The following CNTN3 variants were observed in gnomAD, a reference collection of about 807,000 sequenced individuals.
CNTN3 encodes contactin-3.
CNTN3 carries 60 observed loss-of-function variants against 119.1 expected under a neutral mutation model. That is an observed-to-expected ratio of 0.50 (90% CI 0.41 to 0.62). The LOEUF is 0.62. Among genes scored for constraint, CNTN3 ranks in the 20% least tolerant of loss-of-function variants. CNTN3 has a pLI of 0.00. For synonymous variants in CNTN3, 450 were observed against 438.7 expected, an observed-to-expected ratio of 1.03 and a Z score of -0.32; for missense variants, 1,101 against 1,242.4, an observed-to-expected ratio of 0.89 and a Z score of 1.71.
intron 2 of CNTN3, among the ~76,000 whole-genome samples, chr3:74,501,686 C>A (rs1264953812): frequency 1.3e-5 from 2 of 152,038 alleles, no homozygotes; most frequent in African/African-American, 4.8e-5. Context: ...ACACAATTAG[C>A]CCTTACTAAT....
At position 74,267,755 on chromosome 3, in the gene CNTN3, T is replaced by TG. The variant is rs541259640; in HGVS notation, c.2705-378dup. On this transcript the variant is annotated intron_variant, in intron 20 of 22. Coordinates refer to ENST00000263665, the MANE Select transcript of CNTN3 (RefSeq NM_020872.3). The stretch of plus-strand genomic sequence containing the variant: ...CTGTGTCTCGTTGAAAACACGTCGA[T>TG]GGGGGGGATAAGGAAATTCCTCTAT... Among the ~76,000 whole-genome samples the TG allele has an allele frequency of 2.2e-3, 335 of 152,074 alleles. 1 individual carries two copies. Among genetic ancestry groups the TG allele is most frequent in the African/African-American group, 7.2e-3 (298 of 41,474 alleles).
chr3:74,332,312 T>C (rs186927128), intron 13 of CNTN3, among the ~76,000 whole-genome samples: 1 of 152,374 alleles, frequency 6.6e-6, no homozygotes, highest in East Asian at 1.9e-4. Context: ...TTAAGGGTAA[T>C]GTCATCTTGT....
At position 74,299,833 on chromosome 3, in the gene CNTN3, G is replaced by C. The variant is rs769715998; in HGVS notation, c.2166+35C>G. ...GCCATAATGATCATGGGAACAGCAA[G>C]ACCCTGATGGGGAAGATGCTGCCCA... On this transcript the variant is annotated intron_variant, in intron 17 of 22. Coordinates refer to ENST00000263665, the MANE Select transcript of CNTN3 (RefSeq NM_020872.3). The C allele has an allele frequency of 2.6e-6, 4 of 1,566,580 alleles. No homozygotes were observed. In the South Asian group the frequency reaches 4.6e-5, roughly 18 times the overall value.
chr3:74,369,267 C>T lies in CNTN3; in HGVS notation c.868G>A (p.Glu290Lys). ...GVLEIPNFQQEDAGSYECIAE... is the reference protein window; with the variant it reads ...GVLEIPNFQQKDAGSYECIAE... ...ATGCATTCATAGGAACCTGCATCTT[C>T]CTGTTGGAAGTTGGGGATTTCAAGC... The change falls in exon 8 of 23, where the codon GAA becomes AAA. Residue 290 changes from glutamate (E) to lysine (K), a missense_variant. Coordinates refer to ENST00000263665, the MANE Select transcript of CNTN3 (RefSeq NM_020872.3). 6.2e-7 allele frequency: 1 copy of T among 1,611,572 alleles called. No individual in the cohort carries two copies. Among genetic ancestry groups the T allele is most frequent in the Non-Finnish European group, 8.5e-7 (1 of 1,178,806 alleles).
intron 2 of CNTN3, among the ~76,000 whole-genome samples, chr3:74,507,867 G>A (rs1158950976): frequency 6.6e-6 from 1 of 151,628 alleles, no homozygotes; most frequent in Non-Finnish European, 1.5e-5. Flanking sequence ...CCTGAGCTCA[G>A]GCAATCCATT....
chr3:74,503,500 T>C (rs756897214), intron 2 of CNTN3, among the ~76,000 whole-genome samples: 1 of 152,090 alleles, frequency 6.6e-6, no homozygotes, highest in Non-Finnish European at 1.5e-5. Context: ...GGGAATGAAA[T>C]AGGTGATGAG....
At chr3:74,601,661 T>G (rs184052703) in intron 1 of CNTN3, among the ~76,000 whole-genome samples, 2 of 152,204 alleles carry the variant, frequency 1.3e-5, no homozygotes, top group South Asian at 2.1e-4. Context: ...CACCCTTTTT[T>G]GTATTTATGC....
At position 74,538,788 on chromosome 3, in the gene CNTN3, T is replaced by C. The variant is rs9824141; in HGVS notation, c.-80-17596A>G. On this transcript the variant is annotated intron_variant, in intron 1 of 22. Transcript: ENST00000263665. ...ATCAAAAACAAAGCTGCTGTTTTTA[T>C]AGAGACTCGTAACTGAAAGCCAAGA... is the stretch of plus-strand genomic sequence containing the variant. Among the ~76,000 whole-genome samples the C allele has an allele frequency of 1.9e-3, 288 of 152,220 alleles. 1 individual carries two copies. The highest frequency in any genetic ancestry group is 6.7e-3 in the African/African-American group (278 of 41,550).
intron 3 of CNTN3, among the ~76,000 whole-genome samples, chr3:74,492,654 A>G (rs1702985743): frequency 6.6e-6 from 1 of 152,188 alleles, no homozygotes. Context: ...AAAAACTTTC[A>G]TTGTCACTTT....
intron 3 of CNTN3, among the ~76,000 whole-genome samples, chr3:74,492,564 T>C (rs2107060806): frequency 6.6e-6 from 1 of 152,270 alleles, no homozygotes; most frequent in East Asian, 1.9e-4. Flanking sequence ...AGGCCAACAA[T>C]TTTTGATTCC....
At position 74,367,648 on chromosome 3, in the gene CNTN3, GA is replaced by G. The variant is rs556422700; in HGVS notation, c.946+1540del. 1.6e-3 allele frequency among the ~76,000 whole-genome samples: 230 copies of G among 147,112 alleles called. 1 individual carries two copies. Among genetic ancestry groups the G allele is most frequent in the African/African-American group, 4.6e-3 (186 of 40,280 alleles). ...TAATGGAAACTAACATGCAGAAAAG[GA>G]AAAAAAAAATAGACAAGGGCAGAAA... On this transcript the variant is annotated intron_variant, in intron 8 of 22. Transcript: ENST00000263665.
At chr3:74,473,937 C>T (rs900839365) in intron 4 of CNTN3, among the ~76,000 whole-genome samples, 1 of 152,154 alleles carries the variant, frequency 6.6e-6, no homozygotes, top group African/African-American at 2.4e-5. Context: ...TAAAATTTAT[C>T]TTAGTCTCTA....
chr3:74,517,644 T>G (rs1703472971), intron 2 of CNTN3, among the ~76,000 whole-genome samples: 1 of 151,862 alleles, frequency 6.6e-6, no homozygotes, highest in South Asian at 2.1e-4. Context: ...CATCCTCTTC[T>G]TCCACCTCTC....
intron 4 of CNTN3, among the ~76,000 whole-genome samples, chr3:74,430,353 C>A (rs546826521): frequency 6.6e-6 from 1 of 152,288 alleles, no homozygotes; most frequent in African/African-American, 2.4e-5. Flanking sequence ...TTTGGTAAAT[C>A]TTCAGGAAAT....
Position 74,371,164 on chromosome 3 carries a change from G to A in CNTN3, c.658+32C>T, listed in dbSNP as rs9310294. On this transcript the variant is annotated intron_variant, in intron 6 of 22. Coordinates refer to ENST00000263665, the MANE Select transcript of CNTN3 (RefSeq NM_020872.3). ...TGTTTGCAGCCTCAGCACCATTTAC[G>A]CTCAGAAGTGCACTTGGAGAAGTTT... The A allele has an allele frequency of 8.0e-3, 12,182 of 1,521,352 alleles. 474 individuals carry two copies. In the African/African-American group the frequency reaches 0.11, roughly 14 times the overall value. The allele number at this position is 1,521,352 out of a possible 1,614,324, so 94.2% of individuals were successfully genotyped here.
intron 5 of CNTN3, among the ~76,000 whole-genome samples, chr3:74,421,121 A>G (rs1225809279): frequency 6.6e-6 from 1 of 152,166 alleles, no homozygotes; most frequent in East Asian, 1.9e-4. Context: ...TTGGCATCTA[A>G]GCAACACTCA....
rs9310297 is a variant in CNTN3 at position 74,464,555 on chromosome 3, T to A, written c.358+21901A>T. ...GCCAAGCCCCAGAGTGCTTACATCC[T>A]GGTCCAGAGGACATTAGTCACAAAT... On this transcript the variant is annotated intron_variant, in intron 4 of 22. Transcript: ENST00000263665. 1.2e-3 allele frequency among the ~76,000 whole-genome samples: 181 copies of A among 152,084 alleles called. 5 individuals carry two copies. The East Asian group carries it at 0.024, about 20-fold the overall frequency.
chr3:74,545,213 AG>A (rs1363113240), intron 1 of CNTN3, among the ~76,000 whole-genome samples: 1 of 152,224 alleles, frequency 6.6e-6, no homozygotes, highest in African/African-American at 2.4e-5. Flanking sequence ...AACTAAAATT[AG>A]GATGTCTATT....
chr3:74,497,028 C>T (rs1019802875), intron 3 of CNTN3, among the ~76,000 whole-genome samples: 4 of 152,016 alleles, frequency 2.6e-5, no homozygotes, highest in Non-Finnish European at 2.9e-5. Context: ...TCCTTAAAAA[C>T]ATGTTTGGAT....
Sources: allele counts gnomAD v4.1 joint callset (sites outside exome capture counted in the v4.1 genomes callset), GRCh38; gene constraint gnomAD v4.1.1; transcripts MANE v1.5; gene names NCBI Gene and HGNC (gene_info 2026-07-23, HGNC 2026-07-21).